The following RGS6 variants were observed in gnomAD, a reference collection of about 807,000 sequenced individuals.
RGS6 encodes regulator of G protein signaling 6.
A neutral mutation model predicts 78.5 loss-of-function variants in RGS6; 30 were observed. That is an observed-to-expected ratio of 0.38 (90% confidence interval 0.29 to 0.52). RGS6 has a LOEUF of 0.52. Among genes scored for constraint, RGS6 ranks in the 20% least tolerant of loss-of-function variants. The pLI, the probability that RGS6 is intolerant of heterozygous loss-of-function variation, is 0.85. For missense variants in RGS6, 495 were observed against 609.7 expected, an observed-to-expected ratio of 0.81 and a Z score of 1.98; for synonymous variants, 206 against 206.0, an observed-to-expected ratio of 1.00 and a Z score of 0.00.
At chr14:72,450,618 T>C (rs4903023) in intron 3 of RGS6, among the ~76,000 whole-genome samples, 65,620 of 152,078 alleles carry the variant, frequency 0.43, 15,352 homozygotes, top group East Asian at 0.77. Context: ...GCATTTGTTA[T>C]GTTGTTTTAT....
At chr14:72,245,293 A>G (rs1275051737) in intron 2 of RGS6, among the ~76,000 whole-genome samples, 1 of 152,252 alleles carries the variant, frequency 6.6e-6, no homozygotes, top group Non-Finnish European at 1.5e-5. Context: ...TAGAGGAATT[A>G]AAGATATACA....
In RGS6 at chr14:72,352,240, A is replaced by G. The variant is rs772142685; in HGVS notation, c.184+46A>G. The G allele has an allele frequency of 3.5e-6, 5 of 1,436,472 alleles. No homozygotes were observed. The East Asian group carries it at 1.1e-4, about 33-fold the overall frequency. The allele number at this position is 1,436,472 out of a possible 1,614,324, so 89.0% of individuals were successfully genotyped here. A position where few individuals can be genotyped will look rare whatever the true frequency, so the allele number is the denominator to read the frequency against. On this transcript the variant is annotated intron_variant, in intron 3 of 17. Transcript: ENST00000553525. ...TGTTGGTAACAGTCAGAACTACCAA[A>G]GAGTTATAAGTCTAGATTGCGGCCT... is the stretch of plus-strand genomic sequence containing the variant.
chr14:72,467,006 C>T (rs1691280957), intron 7 of RGS6, among the ~76,000 whole-genome samples: 1 of 152,162 alleles, frequency 6.6e-6, no homozygotes, highest in African/African-American at 2.4e-5. Context: ...TACCTTCCTT[C>T]TCTATCTTTC....
intron 17 of RGS6, among the ~76,000 whole-genome samples, chr14:72,541,910 T>C (rs774590470): frequency 2.0e-5 from 3 of 152,182 alleles, no homozygotes; most frequent in Non-Finnish European, 2.9e-5. Flanking sequence ...TTGATTTCCT[T>C]TCATCCCAGA....
In RGS6 at chr14:72,476,791, T is replaced by C. The variant is rs915416898; in HGVS notation, c.743T>C (p.Val248Ala). 3.1e-6 allele frequency: 5 copies of C among 1,614,204 alleles called. No homozygotes were observed. Among genetic ancestry groups the C allele is most frequent in the African/African-American group, 1.3e-5 (1 of 75,062 alleles). The change falls in exon 11 of 18, where the codon GTA becomes GCA. Residue 248 changes from valine to alanine, a missense_variant. Physicochemically the swap from Val to Ala is moderately conservative, Grantham distance 64 (BLOSUM62 0). Coordinates refer to ENST00000553525, the MANE Select transcript of RGS6 (RefSeq NM_001204424.2). ...EESQAQSPVHVLSQPIRKTTK... is the reference protein window; with the variant it reads ...EESQAQSPVHALSQPIRKTTK... ...TCCCAGGCACAGAGCCCGGTGCATGTACTCAGCCAACCAATCAGGAAAACA... is the reference window on the plus strand; with the variant it reads ...TCCCAGGCACAGAGCCCGGTGCATGCACTCAGCCAACCAATCAGGAAAACA...
At chr14:72,434,878 ATC>A (rs147422625) in intron 3 of RGS6, among the ~76,000 whole-genome samples, 3,554 of 152,342 alleles carry the variant, frequency 0.023, 139 homozygotes, top group African/African-American at 0.081. Flanking sequence ...TCTATCTGCA[ATC>A]TCTGTGTCAG....
the RGS6 span, among the ~76,000 whole-genome samples, chr14:71,900,734 A>G: frequency 2.6e-5 from 4 of 152,080 alleles, no homozygotes; most frequent in Non-Finnish European, 4.4e-5. Context: ...TTTTATTGCT[A>G]TAAAGGAATA....
intron 2 of RGS6, among the ~76,000 whole-genome samples, chr14:72,001,504 ACACACACACACACAC>A (rs1566993164): frequency 2.7e-4 from 38 of 141,702 alleles, no homozygotes; most frequent in Admixed American, 4.2e-4. Flanking sequence ...ACACACACAC[ACACACACACACACAC>A]ACAACGCAGC....
At chr14:71,931,165 C>T (rs1177794689), upstream of RGS6, among the ~76,000 whole-genome samples, 3 of 152,120 alleles carry the variant, frequency 2.0e-5, no homozygotes, top group East Asian at 3.9e-4. Flanking sequence ...TTTTATATTT[C>T]AGCTTTAATA....
intron 2 of RGS6, among the ~76,000 whole-genome samples, chr14:72,141,902 AAAAC>A (rs1432446920): frequency 9.2e-5 from 14 of 151,744 alleles, no homozygotes; most frequent in African/African-American, 3.4e-4. Flanking sequence ...TAAAAAAAAA[AAAAC>A]AAAACCCAAA....
At chr14:72,289,899 T>A (rs1052588617) in intron 2 of RGS6, among the ~76,000 whole-genome samples, 3 of 152,224 alleles carry the variant, frequency 2.0e-5, no homozygotes, top group Non-Finnish European at 4.4e-5. Context: ...TTAATGGATT[T>A]GCTGAAAGTT....
intron 2 of RGS6, among the ~76,000 whole-genome samples, chr14:72,077,082 T>C (rs2153465739): frequency 6.6e-6 from 1 of 151,624 alleles, no homozygotes; most frequent in South Asian, 2.1e-4. Flanking sequence ...GCATTAGAAT[T>C]CCCTTTTTCC....
intron 3 of RGS6, among the ~76,000 whole-genome samples, chr14:72,445,329 A>G (rs912213618): frequency 1.3e-5 from 2 of 152,214 alleles, no homozygotes; most frequent in Non-Finnish European, 2.9e-5. Context: ...AGCTGGGACT[A>G]CAGGCACCTG....
intron 5 of RGS6, among the ~76,000 whole-genome samples, chr14:72,458,748 G>T (rs2095699108): frequency 6.6e-6 from 1 of 152,182 alleles, no homozygotes; most frequent in African/African-American, 2.4e-5. Context: ...CTGCTCTCTG[G>T]CTCATAGATG....
intron 2 of RGS6, among the ~76,000 whole-genome samples, chr14:72,247,156 T>G (rs1431165447): frequency 2.0e-5 from 3 of 152,244 alleles, no homozygotes; most frequent in Non-Finnish European, 4.4e-5. Context: ...TCTGAATTCT[T>G]CTAACACATT....
intron 8 of RGS6, 46 bp downstream of exon 8, chr14:72,470,129 G>T: frequency 7.0e-7 from 1 of 1,432,278 alleles, no homozygotes; most frequent in South Asian, 1.2e-5. Flanking sequence ...AAAGACTCTG[G>T]AATTTGGAAA....
At chr14:72,296,632 AT>A (rs1161403010) in intron 2 of RGS6, among the ~76,000 whole-genome samples, 1 of 152,128 alleles carries the variant, frequency 6.6e-6, no homozygotes, top group Non-Finnish European at 1.5e-5. Context: ...TCAAATGTCT[AT>A]TCAGATGTTT....
chr14:72,069,963 A>C (rs892891450), intron 2 of RGS6, among the ~76,000 whole-genome samples: 1 of 152,174 alleles, frequency 6.6e-6, no homozygotes, highest in East Asian at 1.9e-4. Flanking sequence ...ACCTTCTTCA[A>C]CTTGGATTCT....
At chr14:72,141,242 G>A (rs1333699317) in intron 2 of RGS6, among the ~76,000 whole-genome samples, 7 of 152,128 alleles carry the variant, frequency 4.6e-5, no homozygotes, top group African/African-American at 1.4e-4. Flanking sequence ...AGCTACAGAT[G>A]GTTAACACAG....
Sources: gnomAD v4.1 joint callset for allele counts (sites outside exome capture counted in the v4.1 genomes callset) on GRCh38, gnomAD v4.1.1 for gene constraint, MANE v1.5 for transcripts, NCBI Gene and HGNC (gene_info 2026-07-23, HGNC 2026-07-21) for gene names.